The following SLC41A2 variants were observed in gnomAD, a reference collection of about 807,000 sequenced individuals.
SLC41A2 encodes the protein SLC41A1-like 1.
SLC41A2 carries 32 observed loss-of-function variants against 58.3 expected under a neutral mutation model. The ratio of observed to expected loss-of-function variants is 0.55; its 90% CI spans 0.41 to 0.74. SLC41A2 has a LOEUF of 0.74. Ranked by LOEUF, SLC41A2 falls within the 30% of genes least tolerant of loss-of-function variation. SLC41A2 has a pLI of 0.00. For missense variants in SLC41A2, 514 were observed against 680.6 expected, an observed-to-expected ratio of 0.76 and a Z score of 2.72; for synonymous variants, 190 against 235.0, an observed-to-expected ratio of 0.81 and a Z score of 1.75.
intron 3 of SLC41A2, among the ~76,000 whole-genome samples, chr12:104,902,736 A>G (rs1205884169): frequency 6.6e-6 from 1 of 152,186 alleles, no homozygotes; most frequent in Admixed American, 6.5e-5. Context: ...GCCAAGGGCT[A>G]TAAAGTTTTC....
rs764248609 is a variant in SLC41A2 at position 104,889,255 on chromosome 12, C to T, written c.736-78G>A. On this transcript the variant is annotated intron_variant, in intron 4 of 10. Transcript: ENST00000258538. ...AAACATTTTGATTATGTAAATATTA[C>T]TACAAAAAGTCAAAAAAAGTATTGC... 309 of 1,415,952 alleles carry T rather than the reference C, an allele frequency of 2.2e-4. 2 individuals carry two copies. Among genetic ancestry groups the T allele is most frequent in the Admixed American group, 5.0e-5 (2 of 40,312 alleles). 87.7% of individuals were successfully genotyped at this position (1,415,952 alleles called of 1,614,324 possible). A position where few individuals can be genotyped will look rare whatever the true frequency, so the allele number is the denominator to read the frequency against.
intron 10 of SLC41A2, among the ~76,000 whole-genome samples, chr12:104,806,192 C>A (rs2040892093): frequency 6.6e-6 from 1 of 152,106 alleles, no homozygotes; most frequent in African/African-American, 2.4e-5. Flanking sequence ...TTAGGTTTAT[C>A]TCCTAATGCT....
At chr12:104,844,663 T>C (rs2042538477) in intron 9 of SLC41A2, 43 bp from the exon 10 acceptor site, 7 of 1,217,320 alleles carry the variant, frequency 5.8e-6, no homozygotes, top group Non-Finnish European at 7.6e-6. Context: ...AAATTATATT[T>C]TGGTTAATAA....
chr12:104,892,453 A>G (rs1411002815), intron 4 of SLC41A2, among the ~76,000 whole-genome samples: 1 of 152,104 alleles, frequency 6.6e-6, no homozygotes, highest in Non-Finnish European at 1.5e-5. Flanking sequence ...TACAGATTCA[A>G]TGTAATCCCT....
intron 2 of SLC41A2, among the ~76,000 whole-genome samples, chr12:104,915,228 TA>T (rs2046260634): frequency 6.6e-6 from 1 of 152,214 alleles, no homozygotes; most frequent in African/African-American, 2.4e-5. Flanking sequence ...CTCCTAACTT[TA>T]AAATGACAGA....
At chr12:104,881,251 C>G (rs575129872) in intron 6 of SLC41A2, among the ~76,000 whole-genome samples, 15 of 152,170 alleles carry the variant, frequency 9.9e-5, no homozygotes, top group African/African-American at 3.6e-4. Flanking sequence ...TTTTGTTGAT[C>G]TTTTCAAAAA....
At chr12:104,917,960 C>G (rs2046405094) in intron 2 of SLC41A2, among the ~76,000 whole-genome samples, 1 of 147,282 alleles carries the variant, frequency 6.8e-6, no homozygotes, top group Non-Finnish European at 1.5e-5. Flanking sequence ...TACCCTAAAA[C>G]TTAAAGTATA....
At chr12:104,836,644 G>A (rs2042220329) in intron 10 of SLC41A2, among the ~76,000 whole-genome samples, 3 of 152,288 alleles carry the variant, frequency 2.0e-5, no homozygotes, top group South Asian at 2.1e-4. Flanking sequence ...TAGAACCAAG[G>A]AGTCCATCTG....
intron 3 of SLC41A2, among the ~76,000 whole-genome samples, chr12:104,903,284 A>C (rs535868004): frequency 1.3e-5 from 2 of 152,326 alleles, no homozygotes; most frequent in East Asian, 3.9e-4. Context: ...TATCTATCAG[A>C]TCACATTAAC....
intron 4 of SLC41A2, among the ~76,000 whole-genome samples, chr12:104,890,698 G>T (rs1410036354): frequency 6.6e-6 from 1 of 152,202 alleles, no homozygotes; most frequent in Non-Finnish European, 1.5e-5. Context: ...GGGGCCATAG[G>T]CCTGAAGAGA....
chr12:104,818,877 AAAATAAATAAAT>A (rs3039338), intron 10 of SLC41A2, among the ~76,000 whole-genome samples: 6 of 149,156 alleles, frequency 4.0e-5, no homozygotes, highest in South Asian at 2.1e-4. Flanking sequence ...ACTCCATCTC[AAAATAAATAAAT>A]AAATAAATAA....
chr12:104,857,464 A>T (rs545258101), intron 8 of SLC41A2, among the ~76,000 whole-genome samples: 18 of 152,308 alleles, frequency 1.2e-4, no homozygotes, highest in African/African-American at 4.1e-4. Flanking sequence ...AAGGATCTAG[A>T]ACTAGAAATA....
In SLC41A2 at chr12:104,861,305, G is replaced by A. The variant is rs775635488; in HGVS notation, c.1241C>T (p.Thr414Met). The A allele has an allele frequency of 2.0e-5, 32 of 1,611,308 alleles. No individual in the cohort carries two copies. Among genetic ancestry groups the A allele is most frequent in the East Asian group, 6.7e-5 (3 of 44,852 alleles). ...DPNLVGIVVY[T>M]PVINGIGGNL... is the part of the protein sequence containing the mutation. ...CTAATTCTTACCATTAATAACTGGC[G>A]TGTAAACAACAATCCCAACCAAGTT... Residue 414 changes from threonine (T) to methionine (M), a missense_variant, in exon 8 of 11, where the codon ACG (threonine) becomes ATG (methionine). Physicochemically the swap from Thr to Met is moderately conservative, Grantham distance 81. This residue lies in a region of SLC41A2 where 50 missense variants were observed against 104.5 expected (regional missense o/e 0.48). Coordinates refer to ENST00000258538, the MANE Select transcript of SLC41A2 (RefSeq NM_001352171.3).
chr12:104,871,920 C>T (rs2043800746), intron 6 of SLC41A2, among the ~76,000 whole-genome samples: 1 of 152,112 alleles, frequency 6.6e-6, no homozygotes, highest in Non-Finnish European at 1.5e-5. Flanking sequence ...ACACATTAAA[C>T]ATGTCACAAG....
intron 10 of SLC41A2, among the ~76,000 whole-genome samples, chr12:104,834,633 TC>T (rs1466032898): frequency 1.3e-5 from 2 of 152,048 alleles, no homozygotes; most frequent in Non-Finnish European, 2.9e-5. Flanking sequence ...CTTAGGTTTT[TC>T]CTTTGAGATG....
chr12:104,854,570 C>CAA (rs368169411), intron 8 of SLC41A2, among the ~76,000 whole-genome samples: 65,982 of 140,608 alleles, frequency 0.47, 15,776 homozygotes, highest in Non-Finnish European at 0.55. Context: ...CTCAAAAAAA[C>CAA]AAAAAAAAAA....
chr12:104,850,318 A>C (rs558329016), intron 8 of SLC41A2, among the ~76,000 whole-genome samples: 2 of 152,326 alleles, frequency 1.3e-5, no homozygotes, highest in African/African-American at 2.4e-5. Context: ...TTTAGGATCC[A>C]GTTTCTTATT....
At chr12:104,846,187 G>C (rs1306382582) in intron 8 of SLC41A2, among the ~76,000 whole-genome samples, 1 of 152,138 alleles carries the variant, frequency 6.6e-6, no homozygotes, top group Non-Finnish European at 1.5e-5. Context: ...TTTCAAACTT[G>C]ACTGGTATGC....
chr12:104,907,249 G>T (rs1343505637), intron 3 of SLC41A2, among the ~76,000 whole-genome samples: 1 of 144,992 alleles, frequency 6.9e-6, no homozygotes. Flanking sequence ...TTACTTTCTG[G>T]CACCACAAGA....
Sources: allele counts gnomAD v4.1 joint callset (sites outside exome capture counted in the v4.1 genomes callset), GRCh38; gene constraint gnomAD v4.1.1; regional missense constraint gnomAD v4.1.1; transcripts MANE v1.5; gene names NCBI Gene and HGNC (gene_info 2026-07-23, HGNC 2026-07-21).